The following FAF1 variants were observed in gnomAD, a reference collection of about 807,000 sequenced individuals.
The protein encoded by FAF1 is Fas associated factor 1.
Under a neutral mutation model 92.5 loss-of-function variants are expected in FAF1, and 25 were observed. The observed-to-expected ratio is 0.27, with a 90% CI of 0.20 to 0.38. FAF1 has a LOEUF of 0.38. Ranked by LOEUF, FAF1 falls within the 10% of genes least tolerant of loss-of-function variation. The pLI is 1.00. For missense variants in FAF1, 636 were observed against 793.3 expected (o/e 0.80, Z 2.38); for synonymous variants, 234 against 273.2 (o/e 0.86, Z 1.42).
intron 18 of FAF1, among the ~76,000 whole-genome samples, chr1:50,469,930 A>C (rs1300394335): frequency 6.6e-6 from 1 of 152,222 alleles, no homozygotes; most frequent in East Asian, 1.9e-4. Context: ...AAAATAACTG[A>C]GGGGAATGGA....
intron 12 of FAF1, among the ~76,000 whole-genome samples, chr1:50,568,488 G>A (rs868656174): frequency 2.7e-4 from 41 of 152,058 alleles, no homozygotes; most frequent in African/African-American, 9.9e-4. Flanking sequence ...TTCTTCAAAG[G>A]TAAATTTCGT....
At chr1:50,757,925 T>C (rs1259016097) in intron 4 of FAF1, among the ~76,000 whole-genome samples, 1 of 152,100 alleles carries the variant, frequency 6.6e-6, no homozygotes, top group African/African-American at 2.4e-5. Flanking sequence ...GTTTACAACA[T>C]AATTTTTTTT....
At chr1:50,597,173 C>T (rs1336125673) in intron 8 of FAF1, among the ~76,000 whole-genome samples, 3 of 152,116 alleles carry the variant, frequency 2.0e-5, no homozygotes, top group African/African-American at 7.2e-5. Context: ...TTACTTTTTA[C>T]TAGTCTGTGA....
At chr1:50,697,438 CT>C (rs1197239346) in intron 7 of FAF1, among the ~76,000 whole-genome samples, 2 of 152,122 alleles carry the variant, frequency 1.3e-5, no homozygotes, top group Admixed American at 6.5e-5. Context: ...CTGGGCCCCC[CT>C]AGCATACTGA....
chr1:50,931,060 T>A (rs1370793730), intron 1 of FAF1, among the ~76,000 whole-genome samples: 1 of 152,198 alleles, frequency 6.6e-6, no homozygotes, highest in Non-Finnish European at 1.5e-5. Context: ...ATCTTTATAT[T>A]CCAGATGCTT....
chr1:50,633,870 T>C (rs914853519), intron 8 of FAF1, among the ~76,000 whole-genome samples: 5 of 152,218 alleles, frequency 3.3e-5, no homozygotes, highest in Admixed American at 3.3e-4. Flanking sequence ...TTTATACATC[T>C]GAATCCACAG....
intron 2 of FAF1, among the ~76,000 whole-genome samples, chr1:50,822,521 T>C (rs1409654980): frequency 6.6e-6 from 1 of 152,156 alleles, no homozygotes; most frequent in Non-Finnish European, 1.5e-5. Flanking sequence ...CCTTCACAGG[T>C]CTTTGCCCCA....
chr1:50,582,527 C>A, intron 12 of FAF1, 91 bp downstream of exon 12: 1 of 846,868 alleles, frequency 1.2e-6, no homozygotes, highest in Non-Finnish European at 1.9e-6. Flanking sequence ...AAAACAAAAA[C>A]AAAAACAGAA....
At chr1:50,783,807 G>A (rs570686907) in intron 4 of FAF1, among the ~76,000 whole-genome samples, 10 of 152,118 alleles carry the variant, frequency 6.6e-5, no homozygotes, top group African/African-American at 9.6e-5. Context: ...CCTAGGAGGC[G>A]GAGGTTGCAG....
At chr1:50,643,218 T>C (rs1423786870) in intron 8 of FAF1, among the ~76,000 whole-genome samples, 5 of 152,234 alleles carry the variant, frequency 3.3e-5, no homozygotes, top group Non-Finnish European at 7.3e-5. Flanking sequence ...TTTCTTTCTT[T>C]TGTGGCTGCT....
rs549508781 is a variant in FAF1, at chr1:50,568,353, A to T, written c.1114-1122T>A. 5.9e-5 allele frequency among the ~76,000 whole-genome samples: 9 copies of T among 152,278 alleles called. No homozygotes were observed. The East Asian group carries it at 7.7e-4, about 13-fold the overall frequency. On this transcript the variant is annotated intron_variant, in intron 12 of 18. Transcript: ENST00000396153. Reference sequence around the variant, plus strand: ...AAATTTGCTGTGTGGGATTCTGAACAAAAGAAGGAAACTTACAGAAAAATA... The same window carrying T: ...AAATTTGCTGTGTGGGATTCTGAACTAAAGAAGGAAACTTACAGAAAAATA...
intron 15 of FAF1, among the ~76,000 whole-genome samples, chr1:50,531,789 T>C (rs12135541): frequency 0.093 from 14,089 of 152,208 alleles, 837 homozygotes; most frequent in African/African-American, 0.17. Flanking sequence ...TCTGGGCCAC[T>C]GAAGAGTGAT....
chr1:50,910,499 G>T (rs1230971428), intron 1 of FAF1, among the ~76,000 whole-genome samples: 1 of 152,186 alleles, frequency 6.6e-6, no homozygotes, highest in Non-Finnish European at 1.5e-5. Context: ...GTCTACAGAG[G>T]CAGGCAGGCC....
In FAF1 at chr1:50,592,070, T is replaced by C. The variant is rs1375037976; in HGVS notation, c.840+4051A>G. Reference sequence around the variant, plus strand: ...GAGGGGAGAAAGACAAACAAAGTTCTTGCCTGCAAACATTCTTGAAAGTTA... The same window carrying C: ...GAGGGGAGAAAGACAAACAAAGTTCCTGCCTGCAAACATTCTTGAAAGTTA... On this transcript the variant is annotated intron_variant, in intron 9 of 18. Coordinates refer to ENST00000396153, the MANE Select transcript of FAF1 (RefSeq NM_007051.3). 2.0e-5 allele frequency among the ~76,000 whole-genome samples: 3 copies of C among 152,198 alleles called. No homozygotes were observed. In the East Asian group the frequency reaches 5.8e-4, roughly 29 times the overall value.
intron 13 of FAF1, among the ~76,000 whole-genome samples, chr1:50,542,706 A>G (rs1477988073): frequency 1.3e-5 from 2 of 152,226 alleles, no homozygotes; most frequent in African/African-American, 4.8e-5. Context: ...ACTCTACAAC[A>G]AAGGGAAATG....
intron 12 of FAF1, among the ~76,000 whole-genome samples, chr1:50,577,628 A>C (rs1244476278): frequency 6.6e-6 from 1 of 152,200 alleles, no homozygotes; most frequent in African/African-American, 2.4e-5. Context: ...ATATTATACT[A>C]TATGGATTGT....
chr1:50,836,368 A>C (rs1644205343), intron 2 of FAF1, among the ~76,000 whole-genome samples: 1 of 151,504 alleles, frequency 6.6e-6, no homozygotes, highest in Non-Finnish European at 1.5e-5. Context: ...TTCTAAAATC[A>C]TGGAGTAGCA....
chr1:50,774,438 A>G (rs954608328), intron 4 of FAF1, among the ~76,000 whole-genome samples: 5 of 152,194 alleles, frequency 3.3e-5, no homozygotes, highest in Non-Finnish European at 7.4e-5. Flanking sequence ...ACCTGGTTTG[A>G]AACAACCTGA....
At chr1:50,868,927 T>C (rs1437865145) in intron 1 of FAF1, among the ~76,000 whole-genome samples, 1 of 152,194 alleles carries the variant, frequency 6.6e-6, no homozygotes, top group Non-Finnish European at 1.5e-5. Context: ...TAGTTATTGA[T>C]AGTACTGTTC....
Sources: allele counts gnomAD v4.1 joint callset (sites outside exome capture counted in the v4.1 genomes callset), GRCh38; gene constraint gnomAD v4.1.1; transcripts MANE v1.5; gene names NCBI Gene and HGNC (gene_info 2026-07-23, HGNC 2026-07-21).